Variants in RYR3 observed in about 807,000 individuals in gnomAD.
RYR3 encodes ryanodine receptor 3, also known as brain ryanodine receptor-calcium release channel.
Under a neutral mutation model 584.3 loss-of-function variants are expected in RYR3, and 207 were observed. The ratio of observed to expected loss-of-function variants is 0.35; its 90% CI spans 0.32 to 0.40. The LOEUF (loss-of-function observed/expected upper bound fraction) is 0.40, where lower values mean the gene tolerates loss of function less well. Among genes scored for constraint, RYR3 ranks in the 10% least tolerant of loss-of-function variants. The pLI, the probability that RYR3 is intolerant of heterozygous loss-of-function variation, is 1.00. For synonymous variants in RYR3, 2,416 were observed against 2,248.5 expected, an observed-to-expected ratio of 1.07 and a Z score of -2.11; for missense variants, 5,616 against 6,089.2, an observed-to-expected ratio of 0.92 and a Z score of 2.59.
At chr15:33,759,088 C>T (rs1835287) in intron 60 of RYR3, among the ~76,000 whole-genome samples, 1,851 of 151,788 alleles carry the variant, frequency 0.012, 41 homozygotes, top group African/African-American at 0.042. Context: ...AAACAGAAAG[C>T]AATAGCATCA....
intron 1 of RYR3, among the ~76,000 whole-genome samples, chr15:33,444,729 A>T (rs1020195403): frequency 2.0e-5 from 3 of 152,174 alleles, no homozygotes; most frequent in Admixed American, 6.5e-5. Context: ...GCAAAAGAGC[A>T]TTGCAGGTGG....
intron 19 of RYR3, among the ~76,000 whole-genome samples, chr15:33,615,330 G>A (rs559830599): frequency 6.6e-6 from 1 of 152,322 alleles, no homozygotes; most frequent in East Asian, 1.9e-4. Flanking sequence ...AGCACCTCAG[G>A]TGGATTGGTA....
intron 10 of RYR3, among the ~76,000 whole-genome samples, chr15:33,561,043 A>G (rs567281055): frequency 6.6e-6 from 1 of 152,230 alleles, no homozygotes; most frequent in South Asian, 2.1e-4. Context: ...TTTTGTTTTT[A>G]TGAAAGCTTG....
intron 12 of RYR3, among the ~76,000 whole-genome samples, chr15:33,568,480 T>A (rs1305286679): frequency 1.3e-5 from 2 of 152,198 alleles, no homozygotes; most frequent in Non-Finnish European, 2.9e-5. Flanking sequence ...TTTTTGTTTT[T>A]TTTTTGTTTG....
At chr15:33,539,319 G>A (rs1167501340) in intron 5 of RYR3, 31 bp from the exon 6 acceptor site, 13 of 1,410,474 alleles carry the variant, frequency 9.2e-6, no homozygotes, top group Non-Finnish European at 1.3e-5. Context: ...CTTCTGTGAA[G>A]CAATGACTAA....
intron 99 of RYR3, 147 bp downstream of exon 99, chr15:33,858,061 G>A: frequency 9.6e-7 from 1 of 1,044,046 alleles, no homozygotes; most frequent in Non-Finnish European, 1.4e-6. Flanking sequence ...GTAGAAGACA[G>A]ATGTCTTCTC....
chr15:33,335,087 A>G (rs141759384), intron 1 of RYR3, among the ~76,000 whole-genome samples: 2 of 152,362 alleles, frequency 1.3e-5, no homozygotes, highest in African/African-American at 4.8e-5. Context: ...TTGGGAGTGT[A>G]AATTAGTTCA....
At chr15:33,722,360 T>C (rs1450796923) in intron 43 of RYR3, 1 of 259,108 alleles carries the variant, frequency 3.9e-6, no homozygotes, top group East Asian at 1.2e-4. Context: ...CAGTACAAAA[T>C]CCTGAGCCGA....
chr15:33,840,811 T>C lies in RYR3; in HGVS notation c.12979-14T>C, dbSNP rs2078312493. On this transcript the variant is annotated splice_polypyrimidine_tract_variant and intron_variant, in intron 89 of 103. Coordinates refer to ENST00000634891, the MANE Select transcript of RYR3 (RefSeq NM_001036.6). ...TCTTTGAGGAAAGCTTGACTAATTGTTATTTTTGTCTAGGCAGCAGAAATG... is the reference window on the plus strand; with the variant it reads ...TCTTTGAGGAAAGCTTGACTAATTGCTATTTTTGTCTAGGCAGCAGAAATG... 6.2e-7 allele frequency: 1 copy of C among 1,613,648 alleles called. No homozygotes were observed. Among genetic ancestry groups the C allele is most frequent in the Non-Finnish European group, 8.5e-7 (1 of 1,179,694 alleles).
At chr15:33,842,871 C>T (rs540885371) in intron 91 of RYR3, among the ~76,000 whole-genome samples, 9 of 152,164 alleles carry the variant, frequency 5.9e-5, no homozygotes, top group Admixed American at 2.0e-4. Context: ...AGGCAAGGCT[C>T]GAGTCCTCTG....
chr15:33,541,850 A>G (rs2055847562), intron 7 of RYR3, among the ~76,000 whole-genome samples: 2 of 152,146 alleles, frequency 1.3e-5, no homozygotes, highest in Non-Finnish European at 2.9e-5. Flanking sequence ...CTTTGTGCCA[A>G]AATTAACCCA....
chr15:33,844,029 T>C (rs1378221516), intron 92 of RYR3, among the ~76,000 whole-genome samples: 1 of 152,208 alleles, frequency 6.6e-6, no homozygotes, highest in African/African-American at 2.4e-5. Context: ...GTTTTGAACA[T>C]TGGCAAGTGG....
chr15:33,545,000 C>T (rs1021874968), intron 8 of RYR3, among the ~76,000 whole-genome samples: 8 of 152,158 alleles, frequency 5.3e-5, no homozygotes, highest in African/African-American at 1.9e-4. Context: ...AGCCCATTTA[C>T]TGTCCCTTTG....
At chr15:33,316,032 T>C in intron 1 of RYR3, among the ~76,000 whole-genome samples, 1 of 152,342 alleles carries the variant, frequency 6.6e-6, no homozygotes, top group Non-Finnish European at 1.5e-5. Flanking sequence ...ATTAAATATG[T>C]TAAATAACAT....
intron 16 of RYR3, among the ~76,000 whole-genome samples, chr15:33,597,504 A>G (rs541808604): frequency 1.5e-3 from 222 of 152,018 alleles, no homozygotes; most frequent in African/African-American, 5.0e-3. Flanking sequence ...CCAGCTACTC[A>G]GGAGGCTGAG....
chr15:33,621,717 T>C (rs1241242921), intron 19 of RYR3, among the ~76,000 whole-genome samples: 1 of 152,182 alleles, frequency 6.6e-6, no homozygotes, highest in Non-Finnish European at 1.5e-5. Flanking sequence ...AACAGCATTT[T>C]ATAAAATGCT....
intron 38 of RYR3, among the ~76,000 whole-genome samples, chr15:33,695,418 T>C (rs955814315): frequency 6.7e-6 from 1 of 150,120 alleles, no homozygotes; most frequent in Non-Finnish European, 1.5e-5. Flanking sequence ...TTTACTTGTA[T>C]AGACAGTAAA....
intron 1 of RYR3, among the ~76,000 whole-genome samples, chr15:33,397,213 G>C (rs2042351702): frequency 6.6e-6 from 1 of 152,210 alleles, no homozygotes. Flanking sequence ...CCAGAGACAG[G>C]AACTTTGAAG....
Position 33,861,149 on chromosome 15 carries a change from A to G in RYR3, c.14436A>G (p.Thr4812=), listed in dbSNP as rs1205199936. 1.9e-6 allele frequency: 3 copies of G among 1,595,450 alleles called. No homozygotes were observed. The highest frequency in any genetic ancestry group is 8.5e-7 in the Non-Finnish European group (1 of 1,169,970). The change falls in exon 102 of 104, where the codon ACA becomes ACG. Residue 4812 remains threonine (T), a synonymous_variant. Coordinates refer to ENST00000634891, the MANE Select transcript of RYR3 (RefSeq NM_001036.6). The part of the protein sequence containing the change: ...DTTPHGFETH[T]LQEHNLANYL... Reference sequence around the variant, plus strand: ...CCCCTCATGGTTTTGAAACACATACATTACAAGAGCACAACTTAGCCAACT... The same window carrying G: ...CCCCTCATGGTTTTGAAACACATACGTTACAAGAGCACAACTTAGCCAACT...
Sources: gnomAD v4.1 joint callset for allele counts (sites outside exome capture counted in the v4.1 genomes callset) on GRCh38, gnomAD v4.1.1 for gene constraint, MANE v1.5 for transcripts, NCBI Gene and HGNC (gene_info 2026-07-23, HGNC 2026-07-21) for gene names.